The following COL26A1 variants were observed in gnomAD, a reference collection of about 807,000 sequenced individuals.
COL26A1 encodes collagen type XXVI alpha 1 chain.
In COL26A1, 41 loss-of-function variants were observed where a neutral mutation model predicts 59.3. The observed-to-expected ratio is 0.69, with a 90% confidence interval of 0.54 to 0.90. The LOEUF (loss-of-function observed/expected upper bound fraction) is 0.90, where lower values mean the gene tolerates loss of function less well. COL26A1 is among the 40% of genes least tolerant of loss of function. The pLI is 0.00. For missense variants in COL26A1, 612 were observed against 602.3 expected (o/e 1.02, Z -0.17); for synonymous variants, 266 against 256.0 (o/e 1.04, Z -0.37).
At chr7:101,432,568 T>A (rs575584930) in intron 2 of COL26A1, among the ~76,000 whole-genome samples, 22 of 152,216 alleles carry the variant, frequency 1.4e-4, no homozygotes, top group African/African-American at 5.1e-4. Context: ...TTTGGCTGAG[T>A]TGAGTTGCCT....
At chr7:101,432,481 TG>T (rs141213150) in intron 2 of COL26A1, among the ~76,000 whole-genome samples, 15,719 of 152,092 alleles carry the variant, frequency 0.1, 1,223 homozygotes, top group African/African-American at 0.22. Context: ...AGCAGTTGGC[TG>T]GCAGGGCATG....
chr7:101,394,304 C>G (rs1346813311), intron 1 of COL26A1, among the ~76,000 whole-genome samples: 1 of 152,158 alleles, frequency 6.6e-6, no homozygotes, highest in Admixed American at 6.6e-5. Context: ...CTGGAGGAAA[C>G]TCACCTGCTG....
chr7:101,394,588 T>TTC (rs1554404841), intron 1 of COL26A1, among the ~76,000 whole-genome samples: 10 of 143,150 alleles, frequency 7.0e-5, no homozygotes, highest in African/African-American at 2.3e-4. Flanking sequence ...TTCTTTTCTT[T>TTC]TTTTTTTTTT....
At chr7:101,486,970 A>G (rs1327219616) in intron 3 of COL26A1, among the ~76,000 whole-genome samples, 2 of 152,210 alleles carry the variant, frequency 1.3e-5, no homozygotes, top group African/African-American at 4.8e-5. Context: ...GCACAGTCCC[A>G]GGGCTGGAGG....
intron 3 of COL26A1, among the ~76,000 whole-genome samples, chr7:101,518,327 T>A (rs1276494746): frequency 6.6e-6 from 1 of 152,142 alleles, no homozygotes; most frequent in Non-Finnish European, 1.5e-5. Flanking sequence ...GGGTTCAGAG[T>A]GCCTGGCAGT....
intron 3 of COL26A1, among the ~76,000 whole-genome samples, chr7:101,511,989 C>A (rs1461687005): frequency 6.6e-6 from 1 of 151,930 alleles, no homozygotes; most frequent in Non-Finnish European, 1.5e-5. Context: ...AGAGTGAGAC[C>A]CTGTCTCTAA....
chr7:101,520,399 A>G (rs1248500932), intron 3 of COL26A1, among the ~76,000 whole-genome samples: 1 of 152,104 alleles, frequency 6.6e-6, no homozygotes, highest in Non-Finnish European at 1.5e-5. Context: ...CTCATTTAAG[A>G]ACTGGCCAGG....
chr7:101,376,941 C>T (rs1199860105), intron 1 of COL26A1, among the ~76,000 whole-genome samples: 1 of 152,186 alleles, frequency 6.6e-6, no homozygotes, highest in African/African-American at 2.4e-5. Flanking sequence ...TCACTGCAAT[C>T]TCTGCCTCCT....
chr7:101,494,595 C>T (rs1381321861), intron 3 of COL26A1, among the ~76,000 whole-genome samples: 1 of 152,238 alleles, frequency 6.6e-6, no homozygotes, highest in African/African-American at 2.4e-5. Flanking sequence ...CTCAGAGCCC[C>T]TTGAGGGGCA....
intron 3 of COL26A1, among the ~76,000 whole-genome samples, chr7:101,467,124 G>C (rs1247823592): frequency 1.3e-5 from 2 of 152,000 alleles, no homozygotes; most frequent in Non-Finnish European, 2.9e-5. Flanking sequence ...GGAGGTGGTG[G>C]GTTGTGTAGA....
intron 3 of COL26A1, among the ~76,000 whole-genome samples, chr7:101,476,535 C>T (rs1328571481): frequency 6.7e-6 from 1 of 148,646 alleles, no homozygotes; most frequent in Non-Finnish European, 1.5e-5. Flanking sequence ...CGGGTTACTT[C>T]TGGTTACTTG....
intron 12 of COL26A1, among the ~76,000 whole-genome samples, chr7:101,556,655 A>T (rs1210456022): frequency 6.6e-6 from 1 of 151,100 alleles, no homozygotes; most frequent in Non-Finnish European, 1.5e-5. Context: ...GAATGGATGG[A>T]TGGATGGATG....
intron 3 of COL26A1, among the ~76,000 whole-genome samples, chr7:101,497,016 T>A (rs919656764): frequency 1.3e-5 from 2 of 152,030 alleles, no homozygotes; most frequent in African/African-American, 4.8e-5. Context: ...GGCGGGCAGA[T>A]CACTTGAGGT....
intron 3 of COL26A1, among the ~76,000 whole-genome samples, chr7:101,454,174 T>C (rs1237419817): frequency 6.6e-6 from 1 of 152,120 alleles, no homozygotes; most frequent in Admixed American, 6.6e-5. Flanking sequence ...CCTACTGAGG[T>C]CAAACCAGGT....
At chr7:101,384,454 C>T (rs753949673) in intron 1 of COL26A1, among the ~76,000 whole-genome samples, 3 of 151,894 alleles carry the variant, frequency 2.0e-5, no homozygotes, top group Non-Finnish European at 2.9e-5. Context: ...TCTTGAACTC[C>T]TGACCTCAGG....
intron 3 of COL26A1, among the ~76,000 whole-genome samples, chr7:101,475,814 T>TTCTCTC (rs1794022983): frequency 1.4e-5 from 2 of 147,996 alleles, no homozygotes; most frequent in African/African-American, 2.6e-5. Flanking sequence ...CCTTCTTTCT[T>TTCTCTC]TCTTTCTCTC....
intron 3 of COL26A1, among the ~76,000 whole-genome samples, chr7:101,521,438 A>G (rs1795139478): frequency 6.6e-6 from 1 of 152,126 alleles, no homozygotes; most frequent in Non-Finnish European, 1.5e-5. Context: ...GTGCATGGCA[A>G]TTGGTGGGAA....
At chr7:101,438,230 G>T (rs1300485747) in intron 2 of COL26A1, among the ~76,000 whole-genome samples, 1 of 151,382 alleles carries the variant, frequency 6.6e-6, no homozygotes, top group Non-Finnish European at 1.5e-5. Flanking sequence ...GCGTGGTGGT[G>T]CATGCCTGTA....
chr7:101,452,305 C>T (rs1233189024), intron 3 of COL26A1, among the ~76,000 whole-genome samples: 1 of 152,148 alleles, frequency 6.6e-6, no homozygotes, highest in African/African-American at 2.4e-5. Flanking sequence ...GGGAGGTCCT[C>T]ACCACCAAGT....
Sources: allele counts gnomAD v4.1 joint callset (sites outside exome capture counted in the v4.1 genomes callset), GRCh38; gene constraint gnomAD v4.1.1; transcripts MANE v1.5; gene names NCBI Gene and HGNC (gene_info 2026-07-23, HGNC 2026-07-21).